CORO7: variants seen among roughly 807,000 people sequenced by gnomAD.
CORO7 encodes the protein coronin-7.
A neutral mutation model predicts 126.6 loss-of-function variants in CORO7; 107 were observed. That is an observed-to-expected ratio of 0.85 (90% confidence interval 0.72 to 0.99). CORO7 has a LOEUF of 0.99. Among genes scored for constraint, CORO7 ranks in the 50% least tolerant of loss-of-function variants. CORO7 has a pLI of 0.00. For synonymous variants in CORO7, 603 were observed against 536.8 expected, an observed-to-expected ratio of 1.12 and a Z score of -1.70; for missense variants, 1,314 against 1,255.8, an observed-to-expected ratio of 1.05 and a Z score of -0.70.
At chr16:4,382,325 A>G (rs778689759) in intron 9 of CORO7, 1 of 1,611,198 alleles carries the variant, frequency 6.2e-7, no homozygotes, top group Non-Finnish European at 8.5e-7. Context: ...CTGCAGCGCT[A>G]CCTCCAGGGG....
rs2054131152 is a variant in CORO7, at chr16:4,360,512, G to A, written c.1954C>T (p.Leu652=). Residue 652 remains leucine (L), a synonymous_variant, in exon 20 of 28, where the codon CTG becomes TTG. Transcript: ENST00000251166. ...CGCCCATCCTTGCAGACAGTGGCCA[G>A]CTGCTGCCCATCAGGACTCCAGGCC... is the stretch of plus-strand genomic sequence containing the variant. ...SLAWSPDGQQ[L]ATVCKDGRVR... 2 of 1,611,018 alleles carry A rather than the reference G, an allele frequency of 1.2e-6. No homozygotes were observed. Among genetic ancestry groups the A allele is most frequent in the Non-Finnish European group, 1.7e-6 (2 of 1,179,200 alleles).
chr16:4,366,413 T>C (rs1469574340), intron 9 of CORO7, among the ~76,000 whole-genome samples: 1 of 151,992 alleles, frequency 6.6e-6, no homozygotes, highest in Non-Finnish European at 1.5e-5. Context: ...GCACAGCCCC[T>C]CAGCCCTGTG....
intron 6 of CORO7, among the ~76,000 whole-genome samples, chr16:4,400,714 G>A (rs2055767531): frequency 6.6e-6 from 1 of 151,810 alleles, no homozygotes; most frequent in African/African-American, 2.4e-5. Flanking sequence ...TAACTACACA[G>A]GAGGCTGAGG....
intron 9 of CORO7, among the ~76,000 whole-genome samples, chr16:4,372,657 C>G (rs1451519581): frequency 6.6e-6 from 1 of 152,222 alleles, no homozygotes; most frequent in African/African-American, 2.4e-5. Flanking sequence ...CCAGCCTAGT[C>G]CTTTGTGTCC....
At chr16:4,370,634 G>T (rs1407638983) in intron 9 of CORO7, among the ~76,000 whole-genome samples, 1 of 152,248 alleles carries the variant, frequency 6.6e-6, no homozygotes, top group African/African-American at 2.4e-5. Context: ...CTGGAAAGGG[G>T]CCCTGTGGGG....
At chr16:4,381,663 C>A (rs1454615260) in intron 9 of CORO7, 2 of 1,604,220 alleles carry the variant, frequency 1.2e-6, no homozygotes, top group Non-Finnish European at 8.5e-7. Flanking sequence ...ACCTGGCCGG[C>A]CTGGCTGCCC....
At chr16:4,396,234 C>G (rs1441669562) in intron 6 of CORO7, among the ~76,000 whole-genome samples, 1 of 152,138 alleles carries the variant, frequency 6.6e-6, no homozygotes, top group Non-Finnish European at 1.5e-5. Context: ...CGCCCACCAC[C>G]ACATCTGGCT....
At position 4,408,193 on chromosome 16, in the gene CORO7, C is replaced by T. The variant is rs776482642; in HGVS notation, c.291G>A (p.Ser97=). The T allele has an allele frequency of 1.8e-5, 29 of 1,613,644 alleles. No individual in the cohort carries two copies. The highest frequency in any genetic ancestry group is 1.7e-4 in the Middle Eastern group (1 of 6,052). The change falls in exon 4 of 28, where the codon TCG becomes TCA. Residue 97 remains serine, a synonymous_variant. Coordinates refer to ENST00000251166, the MANE Select transcript of CORO7 (RefSeq NM_024535.5). ...PFDDFLLATG[S]ADRTVKLWRL... ...TGGCTCCACTCACCGTCCTGTCAGC[C>T]GAGCCTGTGGCCAGGAGGAAGTCAT... is the stretch of plus-strand genomic sequence containing the variant.
intron 6 of CORO7, among the ~76,000 whole-genome samples, chr16:4,397,064 C>G (rs536740909): frequency 6.6e-6 from 1 of 150,756 alleles, no homozygotes; most frequent in African/African-American, 2.4e-5. Context: ...TCATTTGCAC[C>G]AGTACAGATA....
Position 4,382,591 on chromosome 16 carries a change from G to A in CORO7, c.785+5395C>T, listed in dbSNP as rs978696409. ...CGCCCCAGTCACCCAGGCCCGCGAG[G>A]GCAACCTGCCGCTCCTCATTGCGCC... On this transcript the variant is annotated intron_variant, in intron 9 of 27. Transcript: ENST00000251166. 13 of 1,585,812 alleles carry A rather than the reference G, an allele frequency of 8.2e-6. No individual in the cohort carries two copies. The highest frequency in any genetic ancestry group is 1.7e-4 in the Middle Eastern group (1 of 6,030).
At position 4,358,353 on chromosome 16, in the gene CORO7, G is replaced by A; in HGVS notation, c.2457+14C>T. On this transcript the variant is annotated intron_variant, in intron 24 of 27. Coordinates refer to ENST00000251166, the MANE Select transcript of CORO7 (RefSeq NM_024535.5). ...AAGGCGGTGGGCATGGGAGTCCCAG[G>A]TCCCCACCCTCACCCGGACTCGGGG... 6.2e-7 allele frequency: 1 copy of A among 1,611,386 alleles called. No homozygotes were observed. Among genetic ancestry groups the A allele is most frequent in the South Asian group, 1.1e-5 (1 of 90,886 alleles).
chr16:4,382,206 C>A, intron 9 of CORO7: 1 of 1,603,198 alleles, frequency 6.2e-7, no homozygotes, highest in Non-Finnish European at 8.5e-7. Flanking sequence ...ACTGTGAGAG[C>A]CAGATGGGGC....
intron 9 of CORO7, chr16:4,382,370 A>T (rs770372960): frequency 1.2e-6 from 2 of 1,612,072 alleles, no homozygotes; most frequent in East Asian, 2.2e-5. Context: ...CGTCTCACCT[A>T]TCGCAACCTA....
intron 6 of CORO7, among the ~76,000 whole-genome samples, chr16:4,400,066 T>G (rs2141296272): frequency 6.6e-6 from 1 of 152,206 alleles, no homozygotes; most frequent in African/African-American, 2.4e-5. Context: ...GCGGAAGGGA[T>G]GAACAGGTGG....
intron 9 of CORO7, among the ~76,000 whole-genome samples, chr16:4,374,293 T>C (rs2054638768): frequency 6.6e-6 from 1 of 152,096 alleles, no homozygotes; most frequent in African/African-American, 2.4e-5. Context: ...CCGGATCGCT[T>C]TCCCTCCGCG....
chr16:4,383,602 CA>C (rs201092051), intron 9 of CORO7: 19,144 of 102,882 alleles, frequency 0.19, 1,990 homozygotes, highest in African/African-American at 0.36. Flanking sequence ...TCTGGGGAGC[CA>C]GGGCCCCTCA....
At chr16:4,386,035 G>A (rs2055181667) in intron 9 of CORO7, among the ~76,000 whole-genome samples, 1 of 152,220 alleles carries the variant, frequency 6.6e-6, no homozygotes, top group African/African-American at 2.4e-5. Flanking sequence ...GGGGGCTCCA[G>A]CTTCCAGGAC....
chr16:4,381,426 C>T, intron 9 of CORO7: 4 of 1,581,748 alleles, frequency 2.5e-6, no homozygotes, highest in Non-Finnish European at 3.4e-6. Context: ...GCCTCCTGGC[C>T]CTGGAGCCCG....
intron 9 of CORO7, chr16:4,382,219 G>T (rs772171203): frequency 6.2e-7 from 1 of 1,605,048 alleles, no homozygotes; most frequent in Non-Finnish European, 8.5e-7. Context: ...GATGGGGCAG[G>T]GGACACGGCC....
Sources: allele counts gnomAD v4.1 joint callset (sites outside exome capture counted in the v4.1 genomes callset), GRCh38; gene constraint gnomAD v4.1.1; transcripts MANE v1.5; gene names NCBI Gene and HGNC (gene_info 2026-07-23, HGNC 2026-07-21).